SRCIN1: variants seen among roughly 807,000 people sequenced by gnomAD.
The protein encoded by SRCIN1 is P130Cas-associated protein.
A neutral mutation model predicts 116.2 loss-of-function variants in SRCIN1; 50 were observed. That is an observed-to-expected ratio of 0.43 (90% CI 0.34 to 0.54). SRCIN1 has a LOEUF of 0.54. SRCIN1 is among the 20% of genes least tolerant of loss of function. The pLI is 0.02. For synonymous variants in SRCIN1, 736 were observed against 750.0 expected (o/e 0.98, Z 0.30); for missense variants, 1,446 against 1,672.0 (o/e 0.86, Z 2.36).
Position 38,533,177 on chromosome 17 carries a change from A to G in SRCIN1, c.*120T>C. 1 of 1,304,046 alleles carries G rather than the reference A, an allele frequency of 7.7e-7. No homozygotes were observed. The highest frequency in any genetic ancestry group is 1.0e-6 in the Non-Finnish European group (1 of 997,160). The allele number at this position is 1,304,046 out of a possible 1,614,324, so 80.8% of individuals were successfully genotyped here. On this transcript the variant is annotated 3_prime_UTR_variant, in exon 19 of 19. Coordinates refer to ENST00000617146, the MANE Select transcript of SRCIN1 (RefSeq NM_025248.3). The stretch of plus-strand genomic sequence containing the variant: ...TGAGGAGGGCCGCACCCTCCTCTTC[A>G]GGGCACACCCCTCAGGGCGTCTGGA...
rs1337360105 is a variant in SRCIN1 at position 38,583,837 on chromosome 17, G to A, written c.23-5046C>T. Reference sequence around the variant, plus strand: ...CAAAGTGCTGGGATTACAGGCGTGAGCCACCGCGCCAGGCCAAAGTAGGTT... The same window carrying A: ...CAAAGTGCTGGGATTACAGGCGTGAACCACCGCGCCAGGCCAAAGTAGGTT... On this transcript the variant is annotated intron_variant, in intron 1 of 18. Transcript: ENST00000617146. 4.6e-5 allele frequency among the ~76,000 whole-genome samples: 7 copies of A among 152,198 alleles called. No homozygotes were observed. The East Asian group carries it at 1.2e-3, about 25-fold the overall frequency.
In SRCIN1 at chr17:38,531,111, C is replaced by G. The variant is rs1370145464; in HGVS notation, c.*2186G>C. The G allele has an allele frequency of 6.5e-6, 1 of 152,708 alleles. No individual in the cohort carries two copies. Among genetic ancestry groups the G allele is most frequent in the African/African-American group, 2.4e-5 (1 of 41,474 alleles). The allele number at this position is 152,708 out of a possible 1,614,324, so 9.5% of individuals were successfully genotyped here. On this transcript the variant is annotated 3_prime_UTR_variant, in exon 19 of 19. Transcript: ENST00000617146. Reference sequence around the variant, plus strand: ...TGGACACTGCCCCCCCCACCTCCCCCACAAAGGGACATTCAACTCAGGACA... The same window carrying G: ...TGGACACTGCCCCCCCCACCTCCCCGACAAAGGGACATTCAACTCAGGACA...
intron 18 of SRCIN1, among the ~76,000 whole-genome samples, chr17:38,535,810 C>A (rs2040992247): frequency 6.6e-6 from 1 of 152,184 alleles, no homozygotes; most frequent in African/African-American, 2.4e-5. Flanking sequence ...CTGCCCAGTT[C>A]CCCCTGATGT....
In SRCIN1 at chr17:38,564,266, G is replaced by T; in HGVS notation, c.393C>A (p.Asp131Glu). The change falls in exon 4 of 19, where the codon GAC (aspartate) becomes GAA (glutamate). Residue 131 changes from aspartate to glutamate, a missense_variant. Coordinates refer to ENST00000617146, the MANE Select transcript of SRCIN1 (RefSeq NM_025248.3). ...AGGCGTAGGACAGCTTTGCCGCCTG[G>T]TCTGCCAGCCCGGGCTGGGCTCCCT... Reference protein sequence around the residue: ...HTQGAQPGLADQAAKLSYASA... With the variant: ...HTQGAQPGLAEQAAKLSYASA... 1 of 1,574,024 alleles carries T rather than the reference G, an allele frequency of 6.4e-7. No homozygotes were observed. The highest frequency in any genetic ancestry group is 1.8e-5 in the Admixed American group (1 of 54,672).
At chr17:38,580,732 C>T (rs192640961) in intron 1 of SRCIN1, among the ~76,000 whole-genome samples, 72 of 152,354 alleles carry the variant, frequency 4.7e-4, no homozygotes, top group Middle Eastern at 3.4e-3. Context: ...GGTGGTCCCT[C>T]TCACCATGGT....
chr17:38,570,245 C>G (rs1445599889), intron 2 of SRCIN1, among the ~76,000 whole-genome samples: 1 of 152,170 alleles, frequency 6.6e-6, no homozygotes, highest in African/African-American at 2.4e-5. Context: ...CATAGACCGC[C>G]CCCACTCATA....
At chr17:38,588,844 CA>C (rs1236559254) in intron 1 of SRCIN1, among the ~76,000 whole-genome samples, 2 of 152,200 alleles carry the variant, frequency 1.3e-5, no homozygotes, top group Non-Finnish European at 2.9e-5. Flanking sequence ...GCAGGAGACC[CA>C]GCCTTGCCAA....
Position 38,562,888 on chromosome 17 carries a change from T to C in SRCIN1, c.773A>G (p.Tyr258Cys), listed in dbSNP as rs763320255. The change falls in exon 6 of 19, where the codon TAC becomes TGC. Residue 258 changes from tyrosine to cysteine, a missense_variant. Physicochemically the swap from Tyr to Cys is radical, Grantham distance 194. This residue lies in a region of SRCIN1 where 239 missense variants were observed against 317.7 expected (regional missense o/e 0.75). Coordinates refer to ENST00000617146, the MANE Select transcript of SRCIN1 (RefSeq NM_025248.3). The surrounding 1 kb of genome is among the most constrained non-coding windows in gnomAD (Gnocchi z 4.2). ...DIQDRSIIKI[Y>C]RKEPLYAAFP... is the part of the protein sequence containing the mutation. ...GGCAGCGTAGAGGGGCTCCTTTCTG[T>C]AGATCTTGATAATACTGCGGTCCTG... 3.7e-6 allele frequency: 6 copies of C among 1,613,628 alleles called. No individual in the cohort carries two copies. Among genetic ancestry groups the C allele is most frequent in the Admixed American group, 1.7e-5 (1 of 59,978 alleles).
chr17:38,543,842 C>A lies in SRCIN1; in HGVS notation c.3398G>T (p.Arg1133Leu). 1 of 1,607,264 alleles carries A rather than the reference C, an allele frequency of 6.2e-7. No individual in the cohort carries two copies. The highest frequency in any genetic ancestry group is 8.5e-7 in the Non-Finnish European group (1 of 1,179,670). The change falls in exon 18 of 19, where the codon CGG (arginine) becomes CTG (leucine). Residue 1133 changes from arginine (R) to leucine (L), a missense_variant. Arg to Leu is a moderately radical substitution (Grantham distance 102). Coordinates refer to ENST00000617146, the MANE Select transcript of SRCIN1 (RefSeq NM_025248.3). ...KHGKQRAEYM[R>L]IQAQQQATKP... ...CCTCACCTGCTGCTGGGCCTGGATCCGCATGTACTCGGCCCTCTGCTTGCC... is the reference window on the plus strand; with the variant it reads ...CCTCACCTGCTGCTGGGCCTGGATCAGCATGTACTCGGCCCTCTGCTTGCC...
intron 1 of SRCIN1, among the ~76,000 whole-genome samples, chr17:38,580,890 T>C (rs1748402765): frequency 6.6e-6 from 1 of 152,214 alleles, no homozygotes; most frequent in Admixed American, 6.5e-5. Flanking sequence ...GCTTGGAGTA[T>C]AATGGTGTGA....
At position 38,558,662 on chromosome 17, in the gene SRCIN1, G is replaced by A. The variant is rs772903751; in HGVS notation, c.2026-260C>T. Among the ~76,000 whole-genome samples the A allele has an allele frequency of 3.3e-5, 5 of 152,190 alleles. No individual in the cohort carries two copies. Among genetic ancestry groups the A allele is most frequent in the Non-Finnish European group, 7.3e-5 (5 of 68,040 alleles). On this transcript the variant is annotated intron_variant, in intron 10 of 18. Transcript: ENST00000617146. This position sits in a 1 kb window ranked among gnomAD's most constrained non-coding sequence, Gnocchi z 4.6. ...GGAGAACGGATGGGGATCGTGGAGA[G>A]GGGAGCGTTAAAATGGGCCATGCAA...
At chr17:38,550,979 C>G (rs551160406) in intron 15 of SRCIN1, among the ~76,000 whole-genome samples, 176 bp downstream of exon 15, 130 of 152,356 alleles carry the variant, frequency 8.5e-4, no homozygotes, top group African/African-American at 3.1e-3. Context: ...TCCAGCTTGC[C>G]CTGTCCTTCT....
chr17:38,587,924 C>T (rs1455191954), intron 1 of SRCIN1, among the ~76,000 whole-genome samples: 4 of 151,310 alleles, frequency 2.6e-5, no homozygotes, highest in Admixed American at 2.6e-4. Flanking sequence ...CTCTTTCTTC[C>T]CCCTGCCCCT....
chr17:38,559,308 C>T lies in SRCIN1; in HGVS notation c.2025+277G>A, dbSNP rs891985404. On this transcript the variant is annotated intron_variant, in intron 10 of 18. Coordinates refer to ENST00000617146, the MANE Select transcript of SRCIN1 (RefSeq NM_025248.3). ...GTGGGTGACTGGGGCTCCAGGAGGG[C>T]GATGGGGACTCAGGGAAGGAGAAGG... 1.9e-5 allele frequency: 10 copies of T among 521,274 alleles called. No homozygotes were observed. The East Asian group carries it at 3.1e-4, about 16-fold the overall frequency. 32.3% of individuals were successfully genotyped at this position (521,274 alleles called of 1,614,324 possible).
intron 11 of SRCIN1, among the ~76,000 whole-genome samples, chr17:38,554,400 G>A (rs1567860358): frequency 6.6e-6 from 1 of 152,106 alleles, no homozygotes; most frequent in Non-Finnish European, 1.5e-5. Flanking sequence ...TGCTACATGT[G>A]CTGTCCTCTC....
intron 3 of SRCIN1, among the ~76,000 whole-genome samples, chr17:38,566,157 T>C (rs1030059034): frequency 6.6e-6 from 1 of 152,030 alleles, no homozygotes; most frequent in Non-Finnish European, 1.5e-5. Flanking sequence ...GGGGTGGCCA[T>C]GGTGCCGGGG....
At chr17:38,588,953 C>G (rs1400560712) in intron 1 of SRCIN1, among the ~76,000 whole-genome samples, 1 of 152,214 alleles carries the variant, frequency 6.6e-6, no homozygotes, top group African/African-American at 2.4e-5. Context: ...AGCACTCAGA[C>G]AGCTCCCTCG....
intron 1 of SRCIN1, among the ~76,000 whole-genome samples, chr17:38,598,302 C>A (rs1334666138): frequency 6.6e-6 from 1 of 152,154 alleles, no homozygotes; most frequent in African/African-American, 2.4e-5. Context: ...CTTCAAGGAA[C>A]CATGGAAGGC....
intron 7 of SRCIN1, 92 bp from the exon 8 acceptor site, chr17:38,560,517 A>G: frequency 9.1e-7 from 1 of 1,094,094 alleles, no homozygotes. Context: ...ACCAGAAGAA[A>G]CACCGTCCCA....
Sources: allele counts gnomAD v4.1 joint callset (sites outside exome capture counted in the v4.1 genomes callset), GRCh38; gene constraint gnomAD v4.1.1; regional missense constraint gnomAD v4.1.1; non-coding constraint Gnocchi (gnomAD v3.1); transcripts MANE v1.5; gene names NCBI Gene and HGNC (gene_info 2026-07-23, HGNC 2026-07-21).